The following LSS variants were observed in gnomAD, a reference collection of about 807,000 sequenced individuals.
LSS encodes the protein 2,3-epoxysqualene-lanosterol cyclase.
In LSS, 90 loss-of-function variants were observed where a neutral mutation model predicts 110.3. That is an observed-to-expected ratio of 0.82 (90% CI 0.69 to 0.97). LSS has a LOEUF of 0.97. Among genes scored for constraint, LSS ranks in the 50% least tolerant of loss-of-function variants. LSS has a pLI of 0.00. For synonymous variants in LSS, 433 were observed against 400.0 expected, an observed-to-expected ratio of 1.08 and a Z score of -0.98; for missense variants, 927 against 990.0, an observed-to-expected ratio of 0.94 and a Z score of 0.85.
Position 46,221,882 on chromosome 21 carries a change from T to C in LSS, c.522A>G (p.Val174=), listed in dbSNP as rs777858830. 1.9e-6 allele frequency: 3 copies of C among 1,614,158 alleles called. No homozygotes were observed. Among genetic ancestry groups the C allele is most frequent in the Non-Finnish European group, 2.5e-6 (3 of 1,180,018 alleles). ...TCTTGTGAAGAATGTTCCGGGCTCG[T>C]ACCAGGTCAGGATCGTCAGGCCCAA... ...LGVGPDDPDL[V]RARNILHKKG... The change falls in exon 5 of 22, where the codon GTA becomes GTG. Residue 174 remains valine, a synonymous_variant. Coordinates refer to ENST00000397728, the MANE Select transcript of LSS (RefSeq NM_002340.6).
At chr21:46,219,770 C>G (rs989523653) in intron 5 of LSS, among the ~76,000 whole-genome samples, 198 bp from the exon 6 acceptor site, 2 of 152,146 alleles carry the variant, frequency 1.3e-5, no homozygotes, top group Non-Finnish European at 2.9e-5. Flanking sequence ...TACACGGCCC[C>G]CTAGGTGGAA....
intron 17 of LSS, among the ~76,000 whole-genome samples, chr21:46,202,366 C>A (rs1262950968): frequency 2.1e-5 from 3 of 143,988 alleles, no homozygotes; most frequent in Non-Finnish European, 4.6e-5. Flanking sequence ...TGCACTCCAG[C>A]CTGGGCGACA....
chr21:46,192,406 T>A (rs2079829617), intron 20 of LSS: 1 of 429,164 alleles, frequency 2.3e-6, no homozygotes, highest in Non-Finnish European at 4.7e-6. Flanking sequence ...CCCCAGACCC[T>A]GCTGCTCCTG....
intron 16 of LSS, 94 bp downstream of exon 16, chr21:46,206,578 C>G: frequency 9.1e-7 from 1 of 1,102,326 alleles, no homozygotes; most frequent in Non-Finnish European, 1.4e-6. Flanking sequence ...CCCTTGCAGC[C>G]TCGGGCAAGG....
rs1476402373 is a variant in LSS at position 46,188,566 on chromosome 21, A to G, written c.*2538T>C. The G allele has an allele frequency of 2.2e-6, 1 of 462,746 alleles. No homozygotes were observed. Among genetic ancestry groups the G allele is most frequent in the East Asian group, 6.9e-5 (1 of 14,390 alleles). 28.7% of individuals were successfully genotyped at this position (462,746 alleles called of 1,614,324 possible). ...TTGTCAAGAGCATGTCAGGGTGATG[A>G]GTCATCTGGGACAGGTCACCCTCCC... On this transcript the variant is annotated 3_prime_UTR_variant, in exon 22 of 22. Coordinates refer to ENST00000397728, the MANE Select transcript of LSS (RefSeq NM_002340.6).
At position 46,189,648 on chromosome 21, in the gene LSS, G is replaced by A; in HGVS notation, c.*1456C>T. On this transcript the variant is annotated 3_prime_UTR_variant, in exon 22 of 22. Transcript: ENST00000397728. ...GAAGGACTCTGGGCAGGCAATGACA[G>A]GATCTGAGGGTGTCCAGACGCAGAT... 1 of 456,050 alleles carries A rather than the reference G, an allele frequency of 2.2e-6. No homozygotes were observed. The highest frequency in any genetic ancestry group is 2.3e-5 in the Admixed American group (1 of 42,564). The allele number at this position is 456,050 out of a possible 1,614,324, so 28.3% of individuals were successfully genotyped here. A position where few individuals can be genotyped will look rare whatever the true frequency, so the allele number is the denominator to read the frequency against.
intron 9 of LSS, among the ~76,000 whole-genome samples, chr21:46,214,241 G>T (rs186672592): frequency 2.2e-4 from 34 of 152,348 alleles, no homozygotes; most frequent in African/African-American, 7.9e-4. Context: ...GGGACCACTT[G>T]CCCCCCTTCT....
chr21:46,221,706 C>T (rs2080281134), intron 5 of LSS, 148 bp downstream of exon 5: 21 of 1,173,992 alleles, frequency 1.8e-5, no homozygotes, highest in Non-Finnish European at 2.4e-5. Flanking sequence ...TAAACAGTGT[C>T]TGCCTACTTC....
intron 3 of LSS, among the ~76,000 whole-genome samples, chr21:46,226,132 T>A (rs920948153): frequency 2.1e-5 from 2 of 95,032 alleles, no homozygotes; most frequent in Non-Finnish European, 4.2e-5. Flanking sequence ...GCGAACGCTG[T>A]CTCAAAAAAA....
intron 6 of LSS, among the ~76,000 whole-genome samples, chr21:46,217,243 C>CAAAAAAAAAA (rs752647829): frequency 4.7e-5 from 2 of 42,300 alleles, no homozygotes; most frequent in Non-Finnish European, 1.1e-4. Flanking sequence ...GACTCTGTCT[C>CAAAAAAAAAA]AAAAAAAAAA....
intron 9 of LSS, among the ~76,000 whole-genome samples, chr21:46,214,373 C>T (rs572263490): frequency 6.6e-6 from 1 of 152,304 alleles, no homozygotes; most frequent in South Asian, 2.1e-4. Context: ...TGGGATTAAA[C>T]CAAAACCCAC....
intron 6 of LSS, among the ~76,000 whole-genome samples, chr21:46,218,874 G>A (rs949776489): frequency 2.0e-5 from 3 of 151,846 alleles, no homozygotes; most frequent in East Asian, 2.0e-4. Context: ...CTAGAGGCAC[G>A]CGCCGCCACG....
At chr21:46,193,102 C>T (rs547641841) in intron 20 of LSS, 5,402 of 443,456 alleles carry the variant, frequency 0.012, 58 homozygotes, top group Middle Eastern at 0.02. Flanking sequence ...GGTGCATCTG[C>T]ATGTGTGTAC....
intron 17 of LSS, among the ~76,000 whole-genome samples, chr21:46,198,782 A>G (rs2079942437): frequency 6.6e-6 from 1 of 150,986 alleles, no homozygotes. Context: ...ATGACCCAAA[A>G]AGAGTCTTCT....
At chr21:46,202,404 A>AAT (rs1555894764) in intron 17 of LSS, among the ~76,000 whole-genome samples, 6 of 150,082 alleles carry the variant, frequency 4.0e-5, no homozygotes, top group African/African-American at 1.5e-4. Context: ...AAAAAAAAAA[A>AAT]AAATAAATAA....
chr21:46,211,704 C>T (rs1039018739), intron 11 of LSS, among the ~76,000 whole-genome samples: 1 of 152,180 alleles, frequency 6.6e-6, no homozygotes, highest in Non-Finnish European at 1.5e-5. Context: ...GCCAAAGAAA[C>T]ACAATGGGAT....
chr21:46,188,984 A>C lies in LSS; in HGVS notation c.*2120T>G. 2.8e-6 allele frequency: 1 copy of C among 353,098 alleles called. No individual in the cohort carries two copies. The highest frequency in any genetic ancestry group is 1.1e-3 in the Middle Eastern group (1 of 952). The allele number at this position is 353,098 out of a possible 1,614,324, so 21.9% of individuals were successfully genotyped here. A position where few individuals can be genotyped will look rare whatever the true frequency, so the allele number is the denominator to read the frequency against. On this transcript the variant is annotated 3_prime_UTR_variant, in exon 22 of 22. Coordinates refer to ENST00000397728, the MANE Select transcript of LSS (RefSeq NM_002340.6). ...TTTTCCCTCAGGTAACTGGAGACGC[A>C]CCCTGCTACTCCTCACGTCACTCTT...
At chr21:46,227,499 C>T in intron 3 of LSS, 53 bp downstream of exon 3, 4 of 1,606,528 alleles carry the variant, frequency 2.5e-6, no homozygotes, top group Non-Finnish European at 3.4e-6. Context: ...GGCCAGGATC[C>T]CAAGGGTGAT....
rs559827615 is a variant in LSS at position 46,189,778 on chromosome 21, G to A, written c.*1326C>T. Reference sequence around the variant, plus strand: ...AAGAGCAGATAAGGAGGTATAGGGTGTGCCCTGGGCAAGGCAGCAGGGGTA... The same window carrying A: ...AAGAGCAGATAAGGAGGTATAGGGTATGCCCTGGGCAAGGCAGCAGGGGTA... On this transcript the variant is annotated 3_prime_UTR_variant, in exon 22 of 22. Coordinates refer to ENST00000397728, the MANE Select transcript of LSS (RefSeq NM_002340.6). The A allele has an allele frequency of 9.2e-5, 42 of 455,554 alleles. No individual in the cohort carries two copies. The highest frequency in any genetic ancestry group is 1.7e-4 in the Non-Finnish European group (39 of 225,750). 28.2% of individuals were successfully genotyped at this position (455,554 alleles called of 1,614,324 possible).
Sources: allele counts gnomAD v4.1 joint callset (sites outside exome capture counted in the v4.1 genomes callset), GRCh38; gene constraint gnomAD v4.1.1; transcripts MANE v1.5; gene names NCBI Gene and HGNC (gene_info 2026-07-23, HGNC 2026-07-21).